The following ZNF90 variants were observed in gnomAD, a reference collection of about 807,000 sequenced individuals.
ZNF90 encodes the protein zinc finger protein 90, also known as zinc finger protein HTF9.
ZNF90 carries 11 observed loss-of-function variants against 12.0 expected under a neutral mutation model. The ratio of observed to expected loss-of-function variants is 0.92; its 90% CI spans 0.58 to 1.52. The LOEUF (loss-of-function observed/expected upper bound fraction) is 1.52. Among genes scored for constraint, ZNF90 ranks in the 40% most tolerant of loss-of-function variants. The pLI, the probability that ZNF90 is intolerant of heterozygous loss-of-function variation, is 0.00. For missense variants in ZNF90, 765 were observed against 711.5 expected (o/e 1.08, Z -0.86); for synonymous variants, 232 against 240.1 (o/e 0.97, Z 0.31).
At chr19:20,111,859 A>G (rs1555705153) in intron 3 of ZNF90, among the ~76,000 whole-genome samples, 1 of 137,132 alleles carries the variant, frequency 7.3e-6, no homozygotes, top group Non-Finnish European at 1.5e-5. Context: ...TAACAGATTT[A>G]TGCAGATTTT....
Position 20,116,994 on chromosome 19 carries a change from AAG to A in ZNF90, c.227-785_227-784del, listed in dbSNP as rs57651675. ...TGTTTTTCTTTAAAAAAAAAAAAAA[AAG>A]AATTGGCAACTTACATTTGTGTGTG... On this transcript the variant is annotated intron_variant, in intron 3 of 3. Coordinates refer to ENST00000418063, the MANE Select transcript of ZNF90 (RefSeq NM_007138.2). Among the ~76,000 whole-genome samples the A allele has an allele frequency of 5.6e-4, 78 of 138,686 alleles. 1 individual carries two copies. Among genetic ancestry groups the A allele is most frequent in the African/African-American group, 2.4e-3 (71 of 30,156 alleles). 91.0% of individuals were successfully genotyped at this position (138,686 alleles called of 152,430 possible). A position where few individuals can be genotyped will look rare whatever the true frequency, so the allele number is the denominator to read the frequency against.
At chr19:20,112,893 TC>T (rs1555705284) in intron 3 of ZNF90, among the ~76,000 whole-genome samples, 1 of 152,194 alleles carries the variant, frequency 6.6e-6, no homozygotes, top group African/African-American at 2.4e-5. Flanking sequence ...AGTTTTGTGT[TC>T]CATGTTTTAC....
chr19:20,087,275 C>T (rs948788686), intron 1 of ZNF90: 10 of 152,136 alleles, frequency 6.6e-5, no homozygotes, highest in Non-Finnish European at 1.2e-4. Context: ...ATTATTTTAA[C>T]TTTTTTCTCA....
At chr19:20,115,459 T>C (rs1189333500) in intron 3 of ZNF90, among the ~76,000 whole-genome samples, 10 of 149,328 alleles carry the variant, frequency 6.7e-5, no homozygotes, top group Admixed American at 3.3e-4. Context: ...TTTTTAAAAA[T>C]TTTCTTTTGT....
intron 1 of ZNF90, among the ~76,000 whole-genome samples, chr19:20,078,416 C>G (rs74419974): frequency 1.3e-5 from 2 of 151,868 alleles, no homozygotes; most frequent in Non-Finnish European, 2.9e-5. Flanking sequence ...GCAGGGAGCA[C>G]GGGAGGGTTC....
intron 2 of ZNF90, 141 bp from the exon 3 acceptor site, chr19:20,105,080 C>A: frequency 2.2e-6 from 1 of 444,452 alleles, no homozygotes; most frequent in Non-Finnish European, 3.8e-6. Flanking sequence ...AAAGTATTTT[C>A]TAAATCTTTT....
At chr19:20,108,626 T>G (rs2089059779) in intron 3 of ZNF90, among the ~76,000 whole-genome samples, 1 of 151,842 alleles carries the variant, frequency 6.6e-6, no homozygotes, top group African/African-American at 2.4e-5. Flanking sequence ...CCTGACTACT[T>G]TTTTTAAATG....
intron 1 of ZNF90, among the ~76,000 whole-genome samples, chr19:20,095,207 C>G (rs544558266): frequency 6.6e-6 from 1 of 151,852 alleles, no homozygotes; most frequent in African/African-American, 2.4e-5. Context: ...AGGGAGGGAA[C>G]GAAGTGTGAA....
intron 2 of ZNF90, 72 bp downstream of exon 2, chr19:20,104,437 T>G: frequency 6.6e-7 from 1 of 1,512,574 alleles, no homozygotes; most frequent in Non-Finnish European, 8.9e-7. Context: ...GTGGAATGAT[T>G]TTTAGTAATG....
At chr19:20,083,315 CT>C (rs1169669828) in intron 1 of ZNF90, among the ~76,000 whole-genome samples, 14 of 147,816 alleles carry the variant, frequency 9.5e-5, no homozygotes, top group Admixed American at 1.4e-4. Flanking sequence ...CATTAGTTTT[CT>C]TTTTTTTTTG....
intron 3 of ZNF90, among the ~76,000 whole-genome samples, chr19:20,109,709 TA>T (rs5827467): frequency 0.41 from 60,478 of 145,882 alleles, 12,736 homozygotes; most frequent in African/African-American, 0.55. Flanking sequence ...CCCATTTCTG[TA>T]AAAAAAAAAA....
In ZNF90 at chr19:20,098,684, G is replaced by C. The variant is rs111705857; in HGVS notation, c.4-5555G>C. On this transcript the variant is annotated intron_variant, in intron 1 of 3. Transcript: ENST00000418063. ...CCAGCCTGGCTTATCATTGGGCCATGAGCCCAGGGTCACTGAGAATTCTGT... is the reference window on the plus strand; with the variant it reads ...CCAGCCTGGCTTATCATTGGGCCATCAGCCCAGGGTCACTGAGAATTCTGT... Among the ~76,000 whole-genome samples, 614 of 152,340 alleles carry C rather than the reference G, an allele frequency of 4.0e-3. 6 individuals are homozygous for C. Among genetic ancestry groups the C allele is most frequent in the African/African-American group, 0.014 (587 of 41,574 alleles).
intron 1 of ZNF90, among the ~76,000 whole-genome samples, chr19:20,096,309 C>A (rs926376834): frequency 6.6e-6 from 1 of 152,106 alleles, no homozygotes; most frequent in African/African-American, 2.4e-5. Flanking sequence ...AAGGGAGGTC[C>A]CCTGATCCGA....
At chr19:20,099,814 A>G (rs1555703678) in intron 1 of ZNF90, among the ~76,000 whole-genome samples, 1 of 152,198 alleles carries the variant, frequency 6.6e-6, no homozygotes, top group African/African-American at 2.4e-5. Context: ...TACAGACTCT[A>G]AGTATGCTTA....
In ZNF90 at chr19:20,119,049, C is replaced by T. The variant is rs1457163738; in HGVS notation, c.1495C>T (p.His499Tyr). Residue 499 changes from histidine (H) to tyrosine (Y), a missense_variant, in exon 4 of 4, where the codon CAT becomes TAT. By Grantham distance (83) the His-to-Tyr change is moderately conservative. Coordinates refer to ENST00000418063, the MANE Select transcript of ZNF90 (RefSeq NM_007138.2). ...AFKYSSALST[H>Y]KIIHSGENPY... The stretch of plus-strand genomic sequence containing the variant: ...CAAGTACTCCTCAGCCCTTAGCACA[C>T]ATAAGATAATTCACAGTGGAGAGAA... 6.2e-7 allele frequency: 1 copy of T among 1,609,676 alleles called. No individual in the cohort carries two copies.
At chr19:20,112,332 AT>A (rs2089097164) in intron 3 of ZNF90, among the ~76,000 whole-genome samples, 1 of 141,456 alleles carries the variant, frequency 7.1e-6, no homozygotes, top group Non-Finnish European at 1.5e-5. Flanking sequence ...TATTATTATT[AT>A]TTTTTTGAGA....
chr19:20,106,223 A>G (rs1381538157), intron 3 of ZNF90, among the ~76,000 whole-genome samples: 1 of 151,802 alleles, frequency 6.6e-6, no homozygotes, highest in Non-Finnish European at 1.5e-5. Flanking sequence ...TAATTTACTG[A>G]GTATTTATTA....
intron 1 of ZNF90, among the ~76,000 whole-genome samples, chr19:20,083,541 G>A (rs148346097): frequency 1.4e-3 from 208 of 152,056 alleles, no homozygotes; most frequent in African/African-American, 4.9e-3. Context: ...TGGTCAGGAT[G>A]GTCTTAAGCT....
intron 1 of ZNF90, among the ~76,000 whole-genome samples, chr19:20,089,768 C>T (rs555673013): frequency 2.0e-4 from 31 of 152,098 alleles, no homozygotes; most frequent in African/African-American, 6.0e-4. Context: ...AAAGGAAGTT[C>T]GGAGGTGTAG....
Sources: allele counts gnomAD v4.1 joint callset (sites outside exome capture counted in the v4.1 genomes callset), GRCh38; gene constraint gnomAD v4.1.1; transcripts MANE v1.5; gene names NCBI Gene and HGNC (gene_info 2026-07-23, HGNC 2026-07-21).